The following BCL7A variants were observed in gnomAD, a reference collection of about 807,000 sequenced individuals.
The protein encoded by BCL7A is B-cell CLL/lymphoma 7 protein family member A.
In BCL7A, 11 loss-of-function variants were observed where a neutral mutation model predicts 28.4. The ratio of observed to expected loss-of-function variants is 0.39; its 90% CI spans 0.24 to 0.64. The LOEUF (loss-of-function observed/expected upper bound fraction) is 0.64, where lower values mean the gene tolerates loss of function less well. BCL7A is among the 30% of genes least tolerant of loss of function. BCL7A has a pLI of 0.50. For missense variants in BCL7A, 222 were observed against 274.8 expected (o/e 0.81, Z 1.36); for synonymous variants, 123 against 103.3 (o/e 1.19, Z -1.15).
chr12:122,022,922 C>T (rs1424448466), intron 1 of BCL7A, among the ~76,000 whole-genome samples: 1 of 152,118 alleles, frequency 6.6e-6, no homozygotes, highest in Admixed American at 6.5e-5. Flanking sequence ...CTCGGGCCAG[C>T]CGATGTTTTT....
rs904650525 is a variant in BCL7A at position 122,022,012 on chromosome 12, C to T, written c.-80C>T. 8.9e-6 allele frequency: 11 copies of T among 1,238,176 alleles called. No individual in the cohort carries two copies. The highest frequency in any genetic ancestry group is 4.5e-5 in the Admixed American group (2 of 44,276). 76.7% of individuals were successfully genotyped at this position (1,238,176 alleles called of 1,614,324 possible). The stretch of plus-strand genomic sequence containing the variant: ...TGTGCGCGAGTGAGTGAGCGGCGGG[C>T]GGGCGCGAGTGTGGCCGCCGCGGAG... On this transcript the variant is annotated 5_prime_UTR_variant, in exon 1 of 6. Transcript: ENST00000261822.
intron 3 of BCL7A, among the ~76,000 whole-genome samples, chr12:122,039,831 G>A (rs531888251): frequency 2.6e-5 from 4 of 151,108 alleles, no homozygotes; most frequent in South Asian, 4.2e-4. Context: ...CAGCCTGGGC[G>A]ACAGAGCAAG....
chr12:122,023,517 A>G (rs1883526317), intron 1 of BCL7A, among the ~76,000 whole-genome samples: 1 of 152,272 alleles, frequency 6.6e-6, no homozygotes, highest in Admixed American at 6.5e-5. Flanking sequence ...GGCAAGAGGA[A>G]AATCAATAAA....
At position 122,021,921 on chromosome 12, in the gene BCL7A, T is replaced by G. The variant is rs1883460657; in HGVS notation, c.-171T>G. ...GCGCGCGGCGGCCCCGGGCTTTGTGTGTGTGTGTATGTGTGTGTGTGTGTG... is the reference window on the plus strand; with the variant it reads ...GCGCGCGGCGGCCCCGGGCTTTGTGGGTGTGTGTATGTGTGTGTGTGTGTG... On this transcript the variant is annotated 5_prime_UTR_variant, in exon 1 of 6. Coordinates refer to ENST00000261822, the MANE Select transcript of BCL7A (RefSeq NM_001024808.3). The G allele has an allele frequency of 7.7e-6, 3 of 389,466 alleles. No homozygotes were observed. The highest frequency in any genetic ancestry group is 1.4e-5 in the Non-Finnish European group (3 of 221,570). 24.1% of individuals were successfully genotyped at this position (389,466 alleles called of 1,614,324 possible).
intron 1 of BCL7A, among the ~76,000 whole-genome samples, chr12:122,026,480 C>T (rs1177153909): frequency 6.6e-6 from 1 of 152,138 alleles, no homozygotes; most frequent in Non-Finnish European, 1.5e-5. Context: ...GGCCCAGGAC[C>T]CCTTAGCACC....
At position 122,062,014 on chromosome 12, in the gene BCL7A, AT is replaced by A; in HGVS notation, c.*2854del. 1 of 183,288 alleles carries A rather than the reference AT, an allele frequency of 5.5e-6. No homozygotes were observed. Among genetic ancestry groups the A allele is most frequent in the Non-Finnish European group, 1.2e-5 (1 of 86,344 alleles). The allele number at this position is 183,288 out of a possible 1,614,324, so 11.4% of individuals were successfully genotyped here. A position where few individuals can be genotyped will look rare whatever the true frequency, so the allele number is the denominator to read the frequency against. On this transcript the variant is annotated 3_prime_UTR_variant, in exon 6 of 6. Transcript: ENST00000261822. Reference sequence around the variant, plus strand: ...GGTTTGTACAATGTACAATTGTTTCATTTCAGAAAATAAAAATTTCAAATCA... The same window carrying A: ...GGTTTGTACAATGTACAATTGTTTCATTCAGAAAATAAAAATTTCAAATCA...
intron 3 of BCL7A, among the ~76,000 whole-genome samples, chr12:122,040,822 G>A (rs7316212): frequency 0.071 from 10,734 of 152,164 alleles, 555 homozygotes; most frequent in East Asian, 0.23. Context: ...TAGTCCACAA[G>A]ACTCAGCTGA....
At chr12:122,036,268 G>C (rs756579149) in intron 3 of BCL7A, among the ~76,000 whole-genome samples, 3 of 152,076 alleles carry the variant, frequency 2.0e-5, no homozygotes, top group Non-Finnish European at 4.4e-5. Context: ...CAGGAAACAC[G>C]CACCTGTAGT....
At chr12:122,049,839 G>A (rs981564138) in intron 4 of BCL7A, among the ~76,000 whole-genome samples, 4 of 152,038 alleles carry the variant, frequency 2.6e-5, no homozygotes, top group African/African-American at 7.2e-5. Flanking sequence ...AAGTGGAACC[G>A]TTTAGTCAGA....
chr12:122,026,960 C>A (rs1462045489), intron 1 of BCL7A, among the ~76,000 whole-genome samples: 1 of 152,124 alleles, frequency 6.6e-6, no homozygotes, highest in African/African-American at 2.4e-5. Flanking sequence ...ACTGCTGGGA[C>A]CTCATTTTTT....
At chr12:122,058,036 A>T (rs535556584) in intron 5 of BCL7A, among the ~76,000 whole-genome samples, 2 of 146,868 alleles carry the variant, frequency 1.4e-5, no homozygotes, top group Admixed American at 1.4e-4. Context: ...CAAAAAACTT[A>T]AAAAAAAAAA....
intron 1 of BCL7A, among the ~76,000 whole-genome samples, chr12:122,027,769 G>A (rs1019555969): frequency 6.6e-6 from 1 of 151,540 alleles, no homozygotes; most frequent in Non-Finnish European, 1.5e-5. Context: ...CCCGGGAGGC[G>A]GAGGTTGCAG....
At position 122,029,423 on chromosome 12, in the gene BCL7A, C is replaced by T. The variant is rs994621474; in HGVS notation, c.93-1277C>T. Among the ~76,000 whole-genome samples, 17 of 152,082 alleles carry T rather than the reference C, an allele frequency of 1.1e-4. No individual in the cohort carries two copies. Among genetic ancestry groups the T allele is most frequent in the Non-Finnish European group, 2.5e-4 (17 of 68,016 alleles). ...CACCAGCATGTGAGGGCCACATGCC[C>T]CACGAGGGGGTGATCTAAGGCTGAG... On this transcript the variant is annotated intron_variant, in intron 1 of 5. Transcript: ENST00000261822. This position sits in a 1 kb window ranked among gnomAD's most constrained non-coding sequence, Gnocchi z 4.3.
intron 4 of BCL7A, among the ~76,000 whole-genome samples, chr12:122,051,181 C>T (rs1226242589): frequency 1.3e-5 from 2 of 152,108 alleles, no homozygotes; most frequent in Admixed American, 6.5e-5. Context: ...ATTGGTGGGA[C>T]GCAGGTGGGA....
chr12:122,025,324 A>C (rs553324688), intron 1 of BCL7A, among the ~76,000 whole-genome samples: 2 of 151,310 alleles, frequency 1.3e-5, no homozygotes, highest in East Asian at 2.0e-4. Context: ...AAACCAAAAA[A>C]AAAGAAAAAG....
At chr12:122,027,108 T>C (rs1265204117) in intron 1 of BCL7A, among the ~76,000 whole-genome samples, 2 of 151,934 alleles carry the variant, frequency 1.3e-5, no homozygotes, top group African/African-American at 2.4e-5. Context: ...AGCCTGGTGG[T>C]TGTGGGGATT....
intron 4 of BCL7A, among the ~76,000 whole-genome samples, chr12:122,049,730 G>A (rs558860023): frequency 9.2e-5 from 14 of 152,048 alleles, no homozygotes; most frequent in African/African-American, 4.8e-5. Flanking sequence ...AGGTGTTCCC[G>A]TCTTTTGTTT....
intron 4 of BCL7A, among the ~76,000 whole-genome samples, chr12:122,047,010 T>C (rs1884090685): frequency 6.6e-6 from 1 of 151,764 alleles, no homozygotes; most frequent in Non-Finnish European, 1.5e-5. Context: ...TTCAAGTGAT[T>C]CTCTTGCCTC....
At chr12:122,043,418 G>GGTGA (rs1309136766) in intron 3 of BCL7A, among the ~76,000 whole-genome samples, 1 of 148,274 alleles carries the variant, frequency 6.7e-6, no homozygotes, top group Non-Finnish European at 1.5e-5. Flanking sequence ...TGGGTGGGTG[G>GGTGA]GGGTCAGGGG....
Sources: allele counts gnomAD v4.1 joint callset (sites outside exome capture counted in the v4.1 genomes callset), GRCh38; gene constraint gnomAD v4.1.1; non-coding constraint Gnocchi (gnomAD v3.1); transcripts MANE v1.5; gene names NCBI Gene and HGNC (gene_info 2026-07-23, HGNC 2026-07-21).